The following PI4KA variants were observed in gnomAD, a reference collection of about 807,000 sequenced individuals.
PI4KA encodes the protein PI4-kinase alpha.
In PI4KA, 122 loss-of-function variants were observed where a neutral mutation model predicts 271.4. The ratio of observed to expected loss-of-function variants is 0.45; its 90% CI spans 0.39 to 0.52. The LOEUF (loss-of-function observed/expected upper bound fraction) is 0.52, where lower values mean the gene tolerates loss of function less well. Among genes scored for constraint, PI4KA ranks in the 20% least tolerant of loss-of-function variants. PI4KA has a pLI of 0.00. For synonymous variants in PI4KA, 1,041 were observed against 1,078.8 expected (o/e 0.96, Z 0.69); for missense variants, 1,969 against 2,769.1 (o/e 0.71, Z 6.48).
chr22:20,751,787 G>A (rs1343451815), intron 25 of PI4KA, 32 bp from the exon 26 acceptor site: 1 of 1,593,768 alleles, frequency 6.3e-7, no homozygotes, highest in African/African-American at 1.3e-5. Flanking sequence ...AGGACCAAGA[G>A]CCAAACCTCC....
At chr22:20,777,183 C>G (rs964771326) in intron 19 of PI4KA, among the ~76,000 whole-genome samples, 1 of 151,578 alleles carries the variant, frequency 6.6e-6, no homozygotes, top group African/African-American at 2.4e-5. Flanking sequence ...GGACCACAGG[C>G]GTGTGCCATC....
chr22:20,790,699 AACACACACACACAC>A (rs362174), intron 19 of PI4KA, among the ~76,000 whole-genome samples: 154 of 139,384 alleles, frequency 1.1e-3, no homozygotes, highest in African/African-American at 3.5e-3. Flanking sequence ...AAAAAAAACA[AACACACACACACAC>A]ACACACACAC....
At chr22:20,802,255 AAG>A in intron 13 of PI4KA, 150 bp from the exon 14 acceptor site, 1 of 617,356 alleles carries the variant, frequency 1.6e-6, no homozygotes, top group Non-Finnish European at 2.8e-6. Context: ...TCAGAAAGAG[AAG>A]AGTCTAAGAG....
chr22:20,853,466 A>C (rs1460819387), intron 1 of PI4KA, among the ~76,000 whole-genome samples: 1 of 152,208 alleles, frequency 6.6e-6, no homozygotes, highest in Non-Finnish European at 1.5e-5. Context: ...AGGAAGGAGG[A>C]GTCTGGAAGC....
chr22:20,858,621 G>C lies in PI4KA; in HGVS notation c.105C>G (p.Val35=). Residue 35 remains valine (V), a synonymous_variant, in exon 1 of 55, where the codon GTC becomes GTG. Transcript: ENST00000255882. ...SASRGFYFNT[V]LSLARSLAVQ... ...CCGCCAGGGAGCGGGCCAGTGACAG[G>C]ACCGTGTTGAAATAGAAGCCCCGCG... 3 of 1,487,730 alleles carry C rather than the reference G, an allele frequency of 2.0e-6. No homozygotes were observed. Among genetic ancestry groups the C allele is most frequent in the Non-Finnish European group, 2.7e-6 (3 of 1,125,128 alleles). The allele number at this position is 1,487,730 out of a possible 1,614,324, so 92.2% of individuals were successfully genotyped here. A position where few individuals can be genotyped will look rare whatever the true frequency, so the allele number is the denominator to read the frequency against.
At chr22:20,844,407 A>T (rs1397323173) in intron 1 of PI4KA, among the ~76,000 whole-genome samples, 3 of 152,244 alleles carry the variant, frequency 2.0e-5, no homozygotes, top group African/African-American at 4.8e-5. Flanking sequence ...GTTGACACTG[A>T]ACAAGTATCT....
chr22:20,814,127 T>G (rs1165862589), intron 7 of PI4KA, among the ~76,000 whole-genome samples: 1 of 151,876 alleles, frequency 6.6e-6, no homozygotes, highest in African/African-American at 2.4e-5. Flanking sequence ...GGTGAAGAGA[T>G]ATGAAAGCTT....
At chr22:20,813,574 T>A in intron 7 of PI4KA, 68 bp from the exon 8 acceptor site, 1 of 1,435,608 alleles carries the variant, frequency 7.0e-7, no homozygotes, top group Non-Finnish European at 9.7e-7. Context: ...TCAAGCTGAC[T>A]CCCCCAATAA....
At position 20,732,678 on chromosome 22, in the gene PI4KA, C is replaced by T. The variant is rs1235591993; in HGVS notation, c.4288+293G>A. 4.6e-5 allele frequency among the ~76,000 whole-genome samples: 7 copies of T among 152,214 alleles called. 1 individual carries two copies. Among genetic ancestry groups the T allele is most frequent in the Admixed American group, 2.6e-4 (4 of 15,276 alleles). ...CACCAGCCTCAGCCCAATCCTGGGC[C>T]GTCAGCTGCTCAGAGGGGTGTGTGA... On this transcript the variant is annotated intron_variant, in intron 36 of 54. Transcript: ENST00000255882.
chr22:20,802,886 G>T, intron 13 of PI4KA, among the ~76,000 whole-genome samples: 1 of 152,150 alleles, frequency 6.6e-6, no homozygotes, highest in Admixed American at 6.5e-5. Flanking sequence ...ATTCTCGCAG[G>T]GGTAGCAGGG....
chr22:20,762,307 C>T (rs577607311), intron 22 of PI4KA, among the ~76,000 whole-genome samples: 3 of 152,266 alleles, frequency 2.0e-5, no homozygotes, highest in South Asian at 2.1e-4. Flanking sequence ...CGAGTGTGCA[C>T]GTGCACACAC....
intron 30 of PI4KA, 92 bp from the exon 31 acceptor site, chr22:20,742,856 T>C: frequency 5.9e-6 from 7 of 1,189,816 alleles, no homozygotes; most frequent in Non-Finnish European, 3.7e-6. Context: ...GTGGTGGCAC[T>C]GGTGGGTGCC....
rs953379273 is a variant in PI4KA, at chr22:20,751,604, G to A, written c.3069+70C>T. ...TCAGAGAAGCATGCCACAACACAGG[G>A]CGGACAGGGCCGGCGGGGTGGTGGT... On this transcript the variant is annotated intron_variant, in intron 26 of 54. Coordinates refer to ENST00000255882, the MANE Select transcript of PI4KA (RefSeq NM_058004.4). The A allele has an allele frequency of 5.5e-4, 712 of 1,287,166 alleles. 10 individuals are homozygous for A. The highest frequency in any genetic ancestry group is 1.2e-4 in the Admixed American group (7 of 59,508). 79.7% of individuals were successfully genotyped at this position (1,287,166 alleles called of 1,614,324 possible). A position where few individuals can be genotyped will look rare whatever the true frequency, so the allele number is the denominator to read the frequency against.
intron 1 of PI4KA, 21 bp downstream of exon 1, chr22:20,858,549 G>A: frequency 7.4e-7 from 1 of 1,355,570 alleles, no homozygotes; most frequent in Non-Finnish European, 9.6e-7. Flanking sequence ...GTCAGCCCGC[G>A]GCCCAGCCCG....
intron 9 of PI4KA, among the ~76,000 whole-genome samples, chr22:20,809,394 T>G (rs1601545632): frequency 6.6e-6 from 1 of 151,888 alleles, no homozygotes; most frequent in African/African-American, 2.4e-5. Flanking sequence ...GGATACTGAG[T>G]AATATATTGC....
intron 15 of PI4KA, 150 bp from the exon 16 acceptor site, chr22:20,799,426 G>C (rs575492267): frequency 6.2e-6 from 5 of 804,578 alleles, no homozygotes; most frequent in Admixed American, 3.3e-5. Flanking sequence ...TTTTAACCAC[G>C]GGCAGAAACA....
intron 3 of PI4KA, among the ~76,000 whole-genome samples, chr22:20,829,798 C>G (rs1399517344): frequency 6.6e-6 from 1 of 152,144 alleles, no homozygotes; most frequent in Non-Finnish European, 1.5e-5. Flanking sequence ...ATGCTATAAA[C>G]TTCCCTCTTA....
chr22:20,857,593 G>A (rs755502183), intron 1 of PI4KA, among the ~76,000 whole-genome samples: 2 of 152,218 alleles, frequency 1.3e-5, no homozygotes, highest in Non-Finnish European at 2.9e-5. Flanking sequence ...ACTGTGCTGA[G>A]TCTCATCGCA....
chr22:20,835,748 T>TA (rs1924778617), intron 2 of PI4KA, among the ~76,000 whole-genome samples: 1 of 145,572 alleles, frequency 6.9e-6, no homozygotes, highest in African/African-American at 2.6e-5. Context: ...AATTAAAACA[T>TA]AAAAGCATGG....
Sources: gnomAD v4.1 joint callset for allele counts (sites outside exome capture counted in the v4.1 genomes callset) on GRCh38, gnomAD v4.1.1 for gene constraint, MANE v1.5 for transcripts, NCBI Gene and HGNC (gene_info 2026-07-23, HGNC 2026-07-21) for gene names.